PTPRD: variants seen among roughly 807,000 people sequenced by gnomAD.
PTPRD encodes the protein protein tyrosine phosphatase receptor type D.
In PTPRD, 34 loss-of-function variants were observed where a neutral mutation model predicts 214.5. The observed-to-expected ratio is 0.16, with a 90% CI of 0.12 to 0.21. PTPRD has a LOEUF of 0.21. Ranked by LOEUF, PTPRD falls within the 10% of genes least tolerant of loss-of-function variation. The pLI is 1.00. For synonymous variants in PTPRD, 1,128 were observed against 845.7 expected (o/e 1.33, Z -5.79); for missense variants, 2,545 against 2,398.7 (o/e 1.06, Z -1.27).
chr9:8,391,067 GA>G (rs34039423), intron 36 of PTPRD, among the ~76,000 whole-genome samples: 19,727 of 152,100 alleles, frequency 0.13, 1,481 homozygotes, highest in African/African-American at 0.21. Context: ...CATGATATGG[GA>G]AGGTACACTA....
intron 3 of PTPRD, among the ~76,000 whole-genome samples, chr9:10,278,622 CA>C (rs1193399624): frequency 6.6e-6 from 1 of 152,120 alleles, no homozygotes; most frequent in African/African-American, 2.4e-5. Flanking sequence ...ACATTTTCCT[CA>C]CTTAGAATAT....
chr9:9,636,375 C>T (rs1356177305), intron 7 of PTPRD, among the ~76,000 whole-genome samples: 1 of 152,098 alleles, frequency 6.6e-6, no homozygotes, highest in East Asian at 1.9e-4. Flanking sequence ...TTTCAACATC[C>T]ACATAATATT....
intron 3 of PTPRD, among the ~76,000 whole-genome samples, chr9:10,254,149 C>T (rs2093037014): frequency 6.6e-6 from 1 of 152,118 alleles, no homozygotes; most frequent in Non-Finnish European, 1.5e-5. Context: ...TCTCTTCCTC[C>T]AGTTTTAAAT....
At chr9:8,971,552 G>A (rs1207158314) in intron 11 of PTPRD, among the ~76,000 whole-genome samples, 6 of 151,626 alleles carry the variant, frequency 4.0e-5, no homozygotes, top group Non-Finnish European at 8.9e-5. Flanking sequence ...TTAGGATGAG[G>A]TCTGCTACAT....
chr9:8,344,281 A>C (rs1281490674), intron 39 of PTPRD, among the ~76,000 whole-genome samples: 1 of 152,066 alleles, frequency 6.6e-6, no homozygotes, highest in Non-Finnish European at 1.5e-5. Context: ...CCTATACATC[A>C]AGTCAATTCT....
chr9:9,521,681 A>C (rs1488033633), intron 8 of PTPRD, among the ~76,000 whole-genome samples: 12 of 152,202 alleles, frequency 7.9e-5, no homozygotes, highest in African/African-American at 2.2e-4. Context: ...CGTAAATGAC[A>C]TACACATGTA....
At chr9:8,328,197 T>C (rs1205189679) in intron 44 of PTPRD, among the ~76,000 whole-genome samples, 6 of 152,216 alleles carry the variant, frequency 3.9e-5, no homozygotes, top group Non-Finnish European at 7.3e-5. Flanking sequence ...TCAGGAGCTC[T>C]TGTAAGGCAG....
chr9:9,240,768 A>G (rs1156257830), intron 9 of PTPRD, among the ~76,000 whole-genome samples: 1 of 152,210 alleles, frequency 6.6e-6, no homozygotes, highest in East Asian at 1.9e-4. Context: ...TACTTCTAAT[A>G]TAATTTTGGT....
chr9:10,246,088 A>T (rs1049740414), intron 3 of PTPRD, among the ~76,000 whole-genome samples: 1 of 152,086 alleles, frequency 6.6e-6, no homozygotes, highest in Non-Finnish European at 1.5e-5. Context: ...TCTAGCAATC[A>T]CATACTTCAC....
intron 11 of PTPRD, among the ~76,000 whole-genome samples, chr9:8,899,522 A>T (rs1296034586): frequency 6.6e-6 from 1 of 152,126 alleles, no homozygotes; most frequent in African/African-American, 2.4e-5. Context: ...TCAAAGCAGA[A>T]ATTTTCTGGA....
chr9:9,967,317 T>G (rs2094774640), intron 4 of PTPRD, among the ~76,000 whole-genome samples: 1 of 152,132 alleles, frequency 6.6e-6, no homozygotes, highest in South Asian at 2.1e-4. Context: ...AGTGACAAAT[T>G]TGTAGAAATA....
intron 3 of PTPRD, among the ~76,000 whole-genome samples, chr9:10,202,609 G>C (rs996848293): frequency 3.4e-5 from 5 of 147,798 alleles, no homozygotes; most frequent in Admixed American, 6.7e-5. Flanking sequence ...AGTTAAAAGG[G>C]CTGACTTGAG....
intron 3 of PTPRD, among the ~76,000 whole-genome samples, chr9:10,049,441 A>AAAGAAAGAAAAG (rs1555515325): frequency 0.057 from 6,337 of 110,540 alleles, 303 homozygotes; most frequent in East Asian, 0.23. Context: ...GAAAGAAAAG[A>AAAGAAAGAAAAG]AAAAAAAAAA....
chr9:8,718,970 G>A (rs1435821209), intron 12 of PTPRD, among the ~76,000 whole-genome samples: 1 of 152,110 alleles, frequency 6.6e-6, no homozygotes, highest in Non-Finnish European at 1.5e-5. Context: ...TACACCAGAA[G>A]CATCTATAAT....
At chr9:9,513,727 G>T (rs190618336) in intron 8 of PTPRD, among the ~76,000 whole-genome samples, 1 of 152,004 alleles carries the variant, frequency 6.6e-6, no homozygotes, top group East Asian at 1.9e-4. Flanking sequence ...CCAATAGATA[G>T]CACCAAAATT....
At chr9:8,602,873 C>T (rs1290282828) in intron 14 of PTPRD, among the ~76,000 whole-genome samples, 1 of 152,188 alleles carries the variant, frequency 6.6e-6, no homozygotes, top group African/African-American at 2.4e-5. Flanking sequence ...TCTCTATGCA[C>T]CTGCATATAC....
chr9:9,235,485 G>A (rs1175403646), intron 9 of PTPRD, among the ~76,000 whole-genome samples: 1 of 152,074 alleles, frequency 6.6e-6, no homozygotes, highest in Non-Finnish European at 1.5e-5. Context: ...GTGTCTTTCA[G>A]CCTTCATTCT....
intron 7 of PTPRD, among the ~76,000 whole-genome samples, chr9:9,580,083 C>T (rs74869334): frequency 2.6e-5 from 4 of 152,096 alleles, no homozygotes; most frequent in East Asian, 1.9e-4. Context: ...TGTATGTCTG[C>T]GTGTATTACA....
intron 9 of PTPRD, among the ~76,000 whole-genome samples, chr9:9,194,327 A>G (rs1422990977): frequency 6.6e-6 from 1 of 152,212 alleles, no homozygotes; most frequent in Non-Finnish European, 1.5e-5. Flanking sequence ...AGTAATAATT[A>G]AAAGTATAGC....
Sources: gnomAD v4.1 joint callset for allele counts (sites outside exome capture counted in the v4.1 genomes callset) on GRCh38, gnomAD v4.1.1 for gene constraint, MANE v1.5 for transcripts, NCBI Gene and HGNC (gene_info 2026-07-23, HGNC 2026-07-21) for gene names.